The following KIR3DL2 variants were observed in gnomAD, a reference collection of about 807,000 sequenced individuals.
The protein encoded by KIR3DL2 is killer cell immunoglobulin-like receptor 3DL2.
In KIR3DL2, 42 loss-of-function variants were observed where a neutral mutation model predicts 41.6. The observed-to-expected ratio is 1.01, with a 90% CI of 0.79 to 1.31. The LOEUF is 1.31. Among genes scored for constraint, KIR3DL2 ranks in the 50% most tolerant of loss-of-function variants. The pLI, the probability that KIR3DL2 is intolerant of heterozygous loss-of-function variation, is 0.00. For missense variants in KIR3DL2, 728 were observed against 576.8 expected (o/e 1.26, Z -2.68); for synonymous variants, 230 against 221.3 (o/e 1.04, Z -0.35).
intron 3 of KIR3DL2, among the ~76,000 whole-genome samples, chr19:54,853,403 A>T (rs2064458107): frequency 6.6e-6 from 1 of 151,738 alleles, no homozygotes; most frequent in South Asian, 2.1e-4. Flanking sequence ...TTCAAAAGAG[A>T]TTGATTCAGG....
At chr19:54,852,997 C>T (rs1450551414) in intron 3 of KIR3DL2, among the ~76,000 whole-genome samples, 9 of 150,568 alleles carry the variant, frequency 6.0e-5, no homozygotes, top group African/African-American at 1.5e-4. Context: ...AGTAATCCAA[C>T]GACTGGGGAG....
chr19:54,852,152 A>G lies in KIR3DL2; in HGVS notation c.225A>G (p.Ile75Met), dbSNP rs2064316488. 6.2e-7 allele frequency: 1 copy of G among 1,613,064 alleles called. No individual in the cohort carries two copies. Among genetic ancestry groups the G allele is most frequent in the South Asian group, 1.1e-5 (1 of 91,070 alleles). ...ACGTTCCCATCTTCCACGGCAGAAT[A>G]TTCCAGGAGAGCTTCATCATGGGCC... ...RSHVPIFHGR[I>M]FQESFIMGPV... The change falls in exon 3 of 9, where the codon ATA becomes ATG. Residue 75 changes from isoleucine (I) to methionine (M), a missense_variant. Transcript: ENST00000326321.
chr19:54,851,269 C>G lies in KIR3DL2; in HGVS notation c.70+14C>G, dbSNP rs781539333. On this transcript the variant is annotated intron_variant, in intron 2 of 8. Transcript: ENST00000326321. ...GGCCACTCATGGGTGAGTCCGTCCC[C>G]AAACCTTAGGGTGTCATCTCCCCAC... 1.2e-6 allele frequency: 2 copies of G among 1,604,680 alleles called. No homozygotes were observed. Among genetic ancestry groups the G allele is most frequent in the Non-Finnish European group, 1.7e-6 (2 of 1,175,052 alleles).
In KIR3DL2 at chr19:54,866,671, C is replaced by A. The variant is rs762754720; in HGVS notation, c.1308C>A (p.Pro436=). ...ACACGGAACTTCCAAATGCTGAGCC[C>A]AGATCCAAAGTTGTCTCCTGCCCAC... is the stretch of plus-strand genomic sequence containing the variant. ...SVYTELPNAE[P]RSKVVSCPRA... is the part of the protein sequence containing the mutation. The change falls in exon 9 of 9, where the codon CCC becomes CCA. Residue 436 remains proline (P), a synonymous_variant. Transcript: ENST00000326321. The A allele has an allele frequency of 1.2e-6, 2 of 1,613,834 alleles. No individual in the cohort carries two copies. Among genetic ancestry groups the A allele is most frequent in the Middle Eastern group, 1.6e-4 (1 of 6,084 alleles).
At position 54,866,503 on chromosome 19, in the gene KIR3DL2, A is replaced by G. The variant is rs766353175; in HGVS notation, c.1159-19A>G. On this transcript the variant is annotated intron_variant, in intron 8 of 8. Coordinates refer to ENST00000326321, the MANE Select transcript of KIR3DL2 (RefSeq NM_006737.4). The stretch of plus-strand genomic sequence containing the variant: ...AAAATGTGAGCACCCTCCCTCACTC[A>G]GCATTTCCCTCTCTCCAGGACTCTG... The G allele has an allele frequency of 3.1e-6, 5 of 1,613,896 alleles. No individual in the cohort carries two copies. In the Admixed American group the frequency reaches 8.3e-5, roughly 27 times the overall value.
chr19:54,851,117 A>G (rs1453720755), intron 1 of KIR3DL2, 103 bp from the exon 2 acceptor site: 149 of 1,438,220 alleles, frequency 1.0e-4, no homozygotes, highest in Middle Eastern at 7.3e-4. Flanking sequence ...GTTTACCTTC[A>G]GCCCAGCAAG....
chr19:54,853,566 G>A lies in KIR3DL2; in HGVS notation c.356-181G>A, dbSNP rs1404174416. Among the ~76,000 whole-genome samples the A allele has an allele frequency of 2.2e-4, 34 of 151,764 alleles. No homozygotes were observed. In the East Asian group the frequency reaches 6.4e-3, roughly 28 times the overall value. On this transcript the variant is annotated intron_variant, in intron 3 of 8. Transcript: ENST00000326321. Reference sequence around the variant, plus strand: ...GGGCTACTGGAGACAGAGGGACAGAGAAGAGGGAGGAAGACAAATGGAGGG... The same window carrying A: ...GGGCTACTGGAGACAGAGGGACAGAAAAGAGGGAGGAAGACAAATGGAGGG...
At chr19:54,851,399 C>T (rs2064222195) in intron 2 of KIR3DL2, 144 bp downstream of exon 2, 8 of 841,782 alleles carry the variant, frequency 9.5e-6, no homozygotes, top group Non-Finnish European at 1.3e-5. Context: ...TGACCTCGCC[C>T]TCCCTGGCCT....
chr19:54,862,991 G>T (rs1272760783), intron 6 of KIR3DL2, among the ~76,000 whole-genome samples: 1 of 128,202 alleles, frequency 7.8e-6, no homozygotes, highest in Non-Finnish European at 1.7e-5. Context: ...ATCTCCTAAT[G>T]CTATCCCTCC....
intron 6 of KIR3DL2, among the ~76,000 whole-genome samples, chr19:54,861,188 A>G (rs374386977): frequency 6.8e-6 from 1 of 146,394 alleles, no homozygotes; most frequent in African/African-American, 2.5e-5. Context: ...TTTGTGAGGT[A>G]GAATCATTGG....
chr19:54,864,455 C>T (rs2065372598), intron 6 of KIR3DL2, among the ~76,000 whole-genome samples: 1 of 152,078 alleles, frequency 6.6e-6, no homozygotes, highest in African/African-American at 2.4e-5. Flanking sequence ...GGCAGTATGG[C>T]CATTTTCACG....
At chr19:54,856,705 A>C (rs1474040207) in intron 5 of KIR3DL2, among the ~76,000 whole-genome samples, 8 of 151,830 alleles carry the variant, frequency 5.3e-5, no homozygotes, top group African/African-American at 1.7e-4. Flanking sequence ...ATACATCTAT[A>C]TTCTTTTTTT....
At chr19:54,865,447 G>A (rs1320346929) in intron 6 of KIR3DL2, among the ~76,000 whole-genome samples, 2 of 152,018 alleles carry the variant, frequency 1.3e-5, no homozygotes, top group Non-Finnish European at 2.9e-5. Context: ...CTAATAGAGG[G>A]GGAACTTGCT....
In KIR3DL2 at chr19:54,853,894, T is replaced by C. The variant is rs753649744; in HGVS notation, c.503T>C (p.Val168Ala). The change falls in exon 4 of 9, where the codon GTT (valine) becomes GCT (alanine). Residue 168 changes from valine to alanine, a missense_variant. Transcript: ENST00000326321. ...EGISEDPSRL[V>A]GQIHDGVSKA... The stretch of plus-strand genomic sequence containing the variant: ...ATCTCTGAGGACCCCTCACGCCTCG[T>C]TGGACAGATCCATGATGGGGTCTCC... 1.9e-6 allele frequency: 3 copies of C among 1,613,250 alleles called. No individual in the cohort carries two copies. Among genetic ancestry groups the C allele is most frequent in the Non-Finnish European group, 2.5e-6 (3 of 1,179,822 alleles).
At chr19:54,856,135 G>C (rs1401609145) in intron 5 of KIR3DL2, among the ~76,000 whole-genome samples, 1 of 151,434 alleles carries the variant, frequency 6.6e-6, no homozygotes, top group Non-Finnish European at 1.5e-5. Flanking sequence ...CAGGCAGATG[G>C]AGAAAGCGGT....
intron 1 of KIR3DL2, 54 bp downstream of exon 1, chr19:54,850,563 T>A (rs1337270991): frequency 1.9e-6 from 3 of 1,584,996 alleles, no homozygotes; most frequent in South Asian, 1.1e-5. Context: ...GATCTCGGCC[T>A]AGAGGTAAAG....
intron 6 of KIR3DL2, among the ~76,000 whole-genome samples, chr19:54,862,552 G>T (rs1272497645): frequency 2.0e-5 from 3 of 152,028 alleles, no homozygotes; most frequent in Admixed American, 2.0e-4. Context: ...TCAAGGCTCA[G>T]AAAAGCTGCT....
intron 1 of KIR3DL2, among the ~76,000 whole-genome samples, chr19:54,850,892 A>G (rs62122254): frequency 0.028 from 693 of 24,362 alleles, no homozygotes; most frequent in Non-Finnish European, 0.038. Context: ...ATATGGGCCT[A>G]GAGGGGAGAT....
intron 5 of KIR3DL2, among the ~76,000 whole-genome samples, chr19:54,856,510 A>G (rs1391944586): frequency 2.0e-5 from 3 of 151,560 alleles, no homozygotes; most frequent in African/African-American, 4.9e-5. Context: ...CGGGAAATTC[A>G]TCTTTACTAA....
Sources: gnomAD v4.1 joint callset for allele counts (sites outside exome capture counted in the v4.1 genomes callset) on GRCh38, gnomAD v4.1.1 for gene constraint, MANE v1.5 for transcripts, NCBI Gene and HGNC (gene_info 2026-07-23, HGNC 2026-07-21) for gene names.